VAV3: variants seen among roughly 807,000 people sequenced by gnomAD.
VAV3 encodes the protein guanine nucleotide exchange factor VAV3.
A neutral mutation model predicts 131.2 loss-of-function variants in VAV3; 94 were observed. The observed-to-expected ratio is 0.72, with a 90% confidence interval of 0.61 to 0.85. The LOEUF (loss-of-function observed/expected upper bound fraction) is 0.85. Among genes scored for constraint, VAV3 ranks in the 40% least tolerant of loss-of-function variants. The pLI, the probability that VAV3 is intolerant of heterozygous loss-of-function variation, is 0.00. For missense variants in VAV3, 939 were observed against 1,002.7 expected, an observed-to-expected ratio of 0.94 and a Z score of 0.86; for synonymous variants, 349 against 342.0, an observed-to-expected ratio of 1.02 and a Z score of -0.22.
intron 20 of VAV3, among the ~76,000 whole-genome samples, chr1:107,630,045 C>A (rs974092667): frequency 1.3e-5 from 2 of 152,058 alleles, no homozygotes; most frequent in Non-Finnish European, 2.9e-5. Context: ...TTTTTGAAAT[C>A]AAATACAAAG....
intron 2 of VAV3, among the ~76,000 whole-genome samples, chr1:107,796,633 C>G (rs978392364): frequency 6.6e-6 from 1 of 151,754 alleles, no homozygotes; most frequent in Non-Finnish European, 1.5e-5. Flanking sequence ...CTGTTTGGGG[C>G]CTAAATAAGG....
chr1:107,912,746 A>G (rs1439174483), intron 1 of VAV3, among the ~76,000 whole-genome samples: 1 of 152,234 alleles, frequency 6.6e-6, no homozygotes, highest in East Asian at 1.9e-4. Context: ...CCTCTTCTGG[A>G]ACAGCAGGTG....
chr1:107,796,266 A>G (rs961576298), intron 2 of VAV3, among the ~76,000 whole-genome samples: 3 of 152,128 alleles, frequency 2.0e-5, no homozygotes, highest in African/African-American at 7.2e-5. Context: ...CCAGGCTCTC[A>G]TCTCTAAACT....
At chr1:107,760,197 C>A (rs1664334826) in intron 10 of VAV3, among the ~76,000 whole-genome samples, 1 of 152,164 alleles carries the variant, frequency 6.6e-6, no homozygotes, top group Admixed American at 6.5e-5. Context: ...TAAGACATTT[C>A]TTTGGAGCAG....
At chr1:107,762,651 G>C (rs1402272086) in intron 9 of VAV3, among the ~76,000 whole-genome samples, 3 of 152,198 alleles carry the variant, frequency 2.0e-5, no homozygotes, top group African/African-American at 7.2e-5. Flanking sequence ...CAACACAGTG[G>C]TAGGAACAGA....
chr1:107,875,542 G>A (rs577634133), intron 1 of VAV3, among the ~76,000 whole-genome samples: 43 of 152,206 alleles, frequency 2.8e-4, no homozygotes, highest in Non-Finnish European at 4.3e-4. Flanking sequence ...GCCTCTGAGC[G>A]TGTCTGAGAA....
intron 1 of VAV3, among the ~76,000 whole-genome samples, chr1:107,888,711 G>A (rs1175878399): frequency 1.2e-4 from 18 of 151,970 alleles, no homozygotes; most frequent in Admixed American, 9.8e-4. Context: ...CCCCCGCCTC[G>A]GCCTCCCAAA....
chr1:107,662,967 T>C (rs1283320715), intron 19 of VAV3, among the ~76,000 whole-genome samples: 3 of 152,308 alleles, frequency 2.0e-5, no homozygotes, highest in East Asian at 1.9e-4. Flanking sequence ...GCTGGTCTTG[T>C]CCTCCTGAAG....
At chr1:107,627,696 T>C (rs140638894) in intron 20 of VAV3, among the ~76,000 whole-genome samples, 75 of 152,260 alleles carry the variant, frequency 4.9e-4, no homozygotes, top group African/African-American at 1.6e-3. Context: ...AAAATCTCAT[T>C]TTATAGAGGA....
intron 25 of VAV3, among the ~76,000 whole-genome samples, chr1:107,575,287 G>C (rs1049546765): frequency 1.8e-4 from 27 of 152,270 alleles, no homozygotes; most frequent in African/African-American, 6.3e-4. Context: ...TTAAGTGTAA[G>C]AAAAAGAGAC....
chr1:107,740,153 G>A (rs1662923661), intron 15 of VAV3, among the ~76,000 whole-genome samples: 1 of 152,162 alleles, frequency 6.6e-6, no homozygotes, highest in Non-Finnish European at 1.5e-5. Flanking sequence ...TGGGTGTGGT[G>A]TTGCGTGCCT....
intron 25 of VAV3, among the ~76,000 whole-genome samples, chr1:107,580,736 T>C (rs1649982097): frequency 6.6e-6 from 1 of 152,194 alleles, no homozygotes; most frequent in Non-Finnish European, 1.5e-5. Context: ...AAAGATAACA[T>C]GTTTCTCCAG....
rs1258301979 is a variant in VAV3 at position 107,624,404 on chromosome 1, G to GTA, written c.1915-6773_1915-6772insTA. Among the ~76,000 whole-genome samples, 136 of 150,972 alleles carry GTA rather than the reference G, an allele frequency of 9.0e-4. 1 individual carries two copies. Among genetic ancestry groups the GTA allele is most frequent in the African/African-American group, 3.2e-3 (132 of 41,094 alleles). On this transcript the variant is annotated intron_variant, in intron 20 of 26. Transcript: ENST00000370056. Reference sequence around the variant, plus strand: ...TGTGTGTGTGTGTGTGTGTGTGTGTGTGTGTGTGTGAAAGAAACAAGAGAA... The same window carrying GTA: ...TGTGTGTGTGTGTGTGTGTGTGTGTGTATGTGTGTGTGAAAGAAACAAGAGAA...
intron 1 of VAV3, among the ~76,000 whole-genome samples, chr1:107,883,071 C>T (rs1670857842): frequency 6.6e-6 from 1 of 152,142 alleles, no homozygotes; most frequent in Admixed American, 6.5e-5. Flanking sequence ...CAACTCATTT[C>T]TAATGGGTAA....
At chr1:107,730,879 T>C (rs1662197861) in intron 15 of VAV3, among the ~76,000 whole-genome samples, 1 of 152,138 alleles carries the variant, frequency 6.6e-6, no homozygotes, top group African/African-American at 2.4e-5. Context: ...CAGCATGGTA[T>C]GAGAGAAAAA....
chr1:107,934,168 T>G (rs1673594277), intron 1 of VAV3, among the ~76,000 whole-genome samples: 1 of 152,252 alleles, frequency 6.6e-6, no homozygotes, highest in Non-Finnish European at 1.5e-5. Flanking sequence ...CTATGGTTTA[T>G]TCTTTAAATA....
chr1:107,881,314 G>A (rs1670767730), intron 1 of VAV3, among the ~76,000 whole-genome samples: 1 of 152,144 alleles, frequency 6.6e-6, no homozygotes, highest in Admixed American at 6.5e-5. Flanking sequence ...GACTGTGTGT[G>A]GGGACGCAGT....
intron 1 of VAV3, among the ~76,000 whole-genome samples, chr1:107,895,130 A>G (rs974925015): frequency 6.6e-6 from 1 of 152,156 alleles, no homozygotes; most frequent in African/African-American, 2.4e-5. Context: ...AGGAAAAAAA[A>G]AAGAGCTATG....
Position 107,891,035 on chromosome 1 carries a change from G to A in VAV3, c.205-16018C>T, listed in dbSNP as rs535068882. Among the ~76,000 whole-genome samples, 20 of 151,912 alleles carry A rather than the reference G, an allele frequency of 1.3e-4. No homozygotes were observed. In the East Asian group the frequency reaches 2.3e-3, roughly 18 times the overall value. ...TTTTAAATAGCCACTTGTATATATA[G>A]CTCCTTCTGCCTAAAACAGAATTTC... On this transcript the variant is annotated intron_variant, in intron 1 of 26. Transcript: ENST00000370056.
Sources: gnomAD v4.1 joint callset for allele counts (sites outside exome capture counted in the v4.1 genomes callset) on GRCh38, gnomAD v4.1.1 for gene constraint, MANE v1.5 for transcripts, NCBI Gene and HGNC (gene_info 2026-07-23, HGNC 2026-07-21) for gene names.